The following ALMS1 variants were observed in gnomAD, a reference collection of about 807,000 sequenced individuals.
The protein encoded by ALMS1 is ALMS1 centrosome and basal body associated protein.
ALMS1 carries 271 observed loss-of-function variants against 352.2 expected under a neutral mutation model. The ratio of observed to expected loss-of-function variants is 0.77; its 90% confidence interval spans 0.70 to 0.85. The LOEUF is 0.85. ALMS1 is among the 40% of genes least tolerant of loss of function. ALMS1 has a pLI of 0.00. For missense variants in ALMS1, 5,445 were observed against 4,870.7 expected, an observed-to-expected ratio of 1.12 and a Z score of -3.51; for synonymous variants, 1,865 against 1,761.2, an observed-to-expected ratio of 1.06 and a Z score of -1.48.
chr2:73,385,955 T>C lies in ALMS1; in HGVS notation c.87T>C (p.Ala29=), dbSNP rs748863552. ...EEEEEEEEEE[A]AAAAAANVDD... ...AGGAGGAGGAGGAAGAGGAGGAGGCTGCAGCGGCGGCGGCGGCGAACGTGG... is the reference window on the plus strand; with the variant it reads ...AGGAGGAGGAGGAAGAGGAGGAGGCCGCAGCGGCGGCGGCGGCGAACGTGG... Residue 29 remains alanine, a synonymous_variant, in exon 1 of 23, where the codon GCT becomes GCC. Transcript: ENST00000613296. 13 of 1,367,390 alleles carry C rather than the reference T, an allele frequency of 9.5e-6. No homozygotes were observed. The highest frequency in any genetic ancestry group is 5.8e-5 in the African/African-American group (4 of 69,030). 84.7% of individuals were successfully genotyped at this position (1,367,390 alleles called of 1,614,324 possible). A position where few individuals can be genotyped will look rare whatever the true frequency, so the allele number is the denominator to read the frequency against.
intron 12 of ALMS1, among the ~76,000 whole-genome samples, chr2:73,541,187 G>A (rs1243998526): frequency 2.6e-5 from 4 of 152,210 alleles, no homozygotes; most frequent in African/African-American, 7.2e-5. Context: ...AGACCACAGT[G>A]CAATCAAACT....
intron 14 of ALMS1, among the ~76,000 whole-genome samples, chr2:73,558,643 CT>C (rs1174950647): frequency 2.0e-5 from 3 of 151,888 alleles, no homozygotes; most frequent in African/African-American, 2.4e-5. Flanking sequence ...ATGTAGTCAC[CT>C]TTTTTTTCCA....
At chr2:73,588,427 ATTC>A (rs930884945) in intron 16 of ALMS1, among the ~76,000 whole-genome samples, 21 of 151,432 alleles carry the variant, frequency 1.4e-4, no homozygotes, top group Non-Finnish European at 2.8e-4. Flanking sequence ...GTGTGTCTCT[ATTC>A]TTCTTCTGAT....
At chr2:73,420,714 A>G (rs760577612) in intron 3 of ALMS1, among the ~76,000 whole-genome samples, 2 of 152,208 alleles carry the variant, frequency 1.3e-5, no homozygotes, top group African/African-American at 2.4e-5. Flanking sequence ...TTTCTAATGT[A>G]AAGTTTTATA....
At chr2:73,582,012 G>C (rs1449703728) in intron 16 of ALMS1, among the ~76,000 whole-genome samples, 1 of 152,014 alleles carries the variant, frequency 6.6e-6, no homozygotes, top group Non-Finnish European at 1.5e-5. Context: ...AAAATGCTGG[G>C]ATTACAGGCG....
Position 73,422,856 on chromosome 2 carries a change from G to T in ALMS1, c.647-1G>T. On this transcript the variant is annotated splice_acceptor_variant, in intron 3 of 22. Transcript: ENST00000613296. LOFTEE classifies it high-confidence loss of function. ...AGCATTTAATATTTGAAACTTTACAGTCATACAAGATAGCTTTGCTTCTCC... is the reference window on the plus strand; with the variant it reads ...AGCATTTAATATTTGAAACTTTACATTCATACAAGATAGCTTTGCTTCTCC... The T allele has an allele frequency of 6.2e-7, 1 of 1,607,988 alleles. No homozygotes were observed. The highest frequency in any genetic ancestry group is 8.5e-7 in the Non-Finnish European group (1 of 1,174,690).
intron 10 of ALMS1, among the ~76,000 whole-genome samples, chr2:73,507,773 T>C (rs1488510765): frequency 6.6e-6 from 1 of 152,194 alleles, no homozygotes; most frequent in Non-Finnish European, 1.5e-5. Flanking sequence ...TGTCTCTATT[T>C]CCTTCAGTTC....
chr2:73,536,838 C>A (rs1262626883), intron 12 of ALMS1, among the ~76,000 whole-genome samples: 2 of 152,150 alleles, frequency 1.3e-5, no homozygotes, highest in African/African-American at 4.8e-5. Context: ...TTAATAGCAA[C>A]CCAGGGAGTA....
At chr2:73,483,982 G>A (rs1672769646) in intron 9 of ALMS1, among the ~76,000 whole-genome samples, 2 of 150,886 alleles carry the variant, frequency 1.3e-5, no homozygotes, top group African/African-American at 4.9e-5. Context: ...CATGTGAGAT[G>A]GGTTTCCTGA....
At chr2:73,535,073 T>C in intron 12 of ALMS1, 124 bp downstream of exon 12, 1 of 1,200,072 alleles carries the variant, frequency 8.3e-7, no homozygotes, top group Non-Finnish European at 1.2e-6. Context: ...GAACTTTTCA[T>C]ACCTTGATCT....
intron 10 of ALMS1, among the ~76,000 whole-genome samples, chr2:73,503,044 A>C (rs1213344020): frequency 6.6e-6 from 1 of 152,108 alleles, no homozygotes; most frequent in African/African-American, 2.4e-5. Flanking sequence ...ATACTAGTGC[A>C]TTACAGACAT....
At chr2:73,395,180 C>G (rs895031382) in intron 1 of ALMS1, among the ~76,000 whole-genome samples, 2 of 148,462 alleles carry the variant, frequency 1.3e-5, no homozygotes, top group Non-Finnish European at 3.0e-5. Context: ...TTCCCAGGCT[C>G]AAGTGATTCT....
At chr2:73,552,477 A>G (rs1304838325) in intron 13 of ALMS1, among the ~76,000 whole-genome samples, 1 of 151,656 alleles carries the variant, frequency 6.6e-6, no homozygotes. Flanking sequence ...GATGTGGAAA[A>G]ATTGGCAGGA....
intron 16 of ALMS1, among the ~76,000 whole-genome samples, chr2:73,582,040 C>T (rs1675194315): frequency 1.3e-5 from 2 of 152,166 alleles, no homozygotes; most frequent in Non-Finnish European, 2.9e-5. Flanking sequence ...CTGTGCCCAG[C>T]CTGTGTTACA....
intron 21 of ALMS1, among the ~76,000 whole-genome samples, chr2:73,607,830 G>GTTTTTTTTTTTT (rs1675847986): frequency 6.9e-6 from 1 of 144,430 alleles, no homozygotes; most frequent in African/African-American, 2.6e-5. Flanking sequence ...TTTTTTTTTG[G>GTTTTTTTTTTTT]TGTGTGTGGT....
intron 16 of ALMS1, among the ~76,000 whole-genome samples, chr2:73,583,734 G>A (rs1167973962): frequency 6.6e-6 from 1 of 152,168 alleles, no homozygotes; most frequent in Non-Finnish European, 1.5e-5. Context: ...TCATTTGAAA[G>A]CTATCCTTTT....
At chr2:73,592,564 C>T (rs925861610) in intron 16 of ALMS1, among the ~76,000 whole-genome samples, 5 of 152,100 alleles carry the variant, frequency 3.3e-5, no homozygotes, top group South Asian at 4.2e-4. Context: ...AATGAATTAG[C>T]GTAAACCCAT....
intron 19 of ALMS1, 94 bp from the exon 20 acceptor site, chr2:73,602,091 A>G: frequency 2.3e-6 from 3 of 1,312,854 alleles, no homozygotes; most frequent in East Asian, 5.0e-5. Flanking sequence ...ACTTCCCCAA[A>G]CCTCTTGGGC....
At chr2:73,575,146 C>G (rs1675025553) in intron 16 of ALMS1, among the ~76,000 whole-genome samples, 1 of 151,900 alleles carries the variant, frequency 6.6e-6, no homozygotes, top group Non-Finnish European at 1.5e-5. Flanking sequence ...CATGTATATA[C>G]CACATTTTGT....
Sources: allele counts gnomAD v4.1 joint callset (sites outside exome capture counted in the v4.1 genomes callset), GRCh38; gene constraint gnomAD v4.1.1; transcripts MANE v1.5; gene names NCBI Gene and HGNC (gene_info 2026-07-23, HGNC 2026-07-21).